Variants in GCSAML observed in about 807,000 individuals in gnomAD.
The protein encoded by GCSAML is germinal center associated signaling and motility like.
Under a neutral mutation model 13.0 loss-of-function variants are expected in GCSAML, and 9 were observed. That is an observed-to-expected ratio of 0.69 (90% CI 0.42 to 1.21). The LOEUF (loss-of-function observed/expected upper bound fraction) is 1.21. Ranked by LOEUF, GCSAML falls within the 50% of genes most tolerant of loss-of-function variation. The pLI, the probability that GCSAML is intolerant of heterozygous loss-of-function variation, is 0.00. For synonymous variants in GCSAML, 37 were observed against 52.9 expected, an observed-to-expected ratio of 0.70 and a Z score of 1.31; for missense variants, 143 against 153.4, an observed-to-expected ratio of 0.93 and a Z score of 0.36.
At chr1:247,550,778 C>T (rs953433200) in intron 1 of GCSAML, among the ~76,000 whole-genome samples, 4 of 151,356 alleles carry the variant, frequency 2.6e-5, no homozygotes, top group African/African-American at 9.7e-5. Context: ...AATTATTTAC[C>T]CTAAAGAAAA....
At position 247,509,347 on chromosome 1, in the gene GCSAML, G is replaced by A. The variant is rs564791782; in HGVS notation, c.-263+2114G>A. 1.2e-4 allele frequency among the ~76,000 whole-genome samples: 18 copies of A among 152,156 alleles called. 1 individual carries two copies. The highest frequency in any genetic ancestry group is 4.2e-4 in the South Asian group (2 of 4,804). Reference sequence around the variant, plus strand: ...TATAGAAATGCTTGTGAGTTTTGCCGATTGATTTTATATCCTGAGACTTTG... The same window carrying A: ...TATAGAAATGCTTGTGAGTTTTGCCAATTGATTTTATATCCTGAGACTTTG... On this transcript the variant is annotated intron_variant, in intron 1 of 5. Coordinates refer to the GCSAML transcript ENST00000366489.
chr1:247,532,512 T>G, intron 2 of GCSAML: 1 of 1,612,076 alleles, frequency 6.2e-7, no homozygotes, highest in Non-Finnish European at 8.5e-7. Flanking sequence ...TTTCCATCAT[T>G]GTATGCTGGG....
upstream of GCSAML, among the ~76,000 whole-genome samples, chr1:247,547,582 G>A (rs942643764): frequency 1.3e-5 from 2 of 152,230 alleles, no homozygotes; most frequent in Non-Finnish European, 2.9e-5. Flanking sequence ...TCAAATTTTA[G>A]TAGGGAACAG....
At chr1:247,550,193 A>G (rs550074141) in intron 1 of GCSAML, among the ~76,000 whole-genome samples, 26 of 152,314 alleles carry the variant, frequency 1.7e-4, no homozygotes, top group Non-Finnish European at 3.1e-4. Flanking sequence ...CCTACAGTCA[A>G]ACAAAGTAGG....
At chr1:247,549,990 A>G (rs1369912255) in intron 1 of GCSAML, among the ~76,000 whole-genome samples, 1 of 152,178 alleles carries the variant, frequency 6.6e-6, no homozygotes, top group African/African-American at 2.4e-5. Context: ...CTCTCATCAT[A>G]TCGCTCCTGT....
intron 2 of GCSAML, among the ~76,000 whole-genome samples, chr1:247,540,842 A>C (rs1667390634): frequency 6.6e-6 from 1 of 152,206 alleles, no homozygotes; most frequent in African/African-American, 2.4e-5. Flanking sequence ...TCCACTACCA[A>C]ATATTTGTCA....
intron 1 of GCSAML, among the ~76,000 whole-genome samples, chr1:247,512,508 T>C (rs1666077246): frequency 6.6e-6 from 1 of 152,160 alleles, no homozygotes; most frequent in South Asian, 2.1e-4. Flanking sequence ...AGCCTACTTC[T>C]GTCAATTTGT....
chr1:247,529,470 G>A (rs1666818306), intron 2 of GCSAML: 1 of 152,224 alleles, frequency 6.6e-6, no homozygotes, highest in Admixed American at 6.5e-5. Flanking sequence ...GTGTAAATAA[G>A]CACTGCTTTC....
At chr1:247,572,348 T>G (rs1195237795) in intron 4 of GCSAML, among the ~76,000 whole-genome samples, 1 of 152,216 alleles carries the variant, frequency 6.6e-6, no homozygotes, top group African/African-American at 2.4e-5. Flanking sequence ...TTATCTACCT[T>G]TGGTCTTTGC....
chr1:247,534,513 G>A (rs1184507355), intron 2 of GCSAML, among the ~76,000 whole-genome samples: 4 of 152,196 alleles, frequency 2.6e-5, no homozygotes, highest in Non-Finnish European at 4.4e-5. Context: ...GGAATAAAAC[G>A]AGCACGATTT....
At chr1:247,532,463 C>T in intron 2 of GCSAML, 1 of 1,613,980 alleles carries the variant, frequency 6.2e-7, no homozygotes, top group Non-Finnish European at 8.5e-7. Context: ...GTGGAGAAGC[C>T]CAGGAGGACA....
At chr1:247,561,438 A>G (rs531145061) in intron 2 of GCSAML, among the ~76,000 whole-genome samples, 1 of 152,310 alleles carries the variant, frequency 6.6e-6, no homozygotes, top group South Asian at 2.1e-4. Context: ...GAAATATACA[A>G]TAAATTATTA....
chr1:247,528,326 A>G (rs1244551121), intron 2 of GCSAML: 1 of 152,154 alleles, frequency 6.6e-6, no homozygotes, highest in East Asian at 1.9e-4. Flanking sequence ...TTGTGTAATG[A>G]TCAAATCAAG....
At chr1:247,560,902 T>C (rs1668106149) in intron 2 of GCSAML, among the ~76,000 whole-genome samples, 1 of 152,192 alleles carries the variant, frequency 6.6e-6, no homozygotes, top group African/African-American at 2.4e-5. Context: ...ATTTATTTTA[T>C]GACTTTTCTC....
chr1:247,531,837 G>T, intron 2 of GCSAML: 1 of 1,614,150 alleles, frequency 6.2e-7, no homozygotes, highest in Non-Finnish European at 8.5e-7. Flanking sequence ...TCTTCAACAC[G>T]GCCCGGGCAA....
At chr1:247,573,400 C>T (rs1307924878) in intron 4 of GCSAML, among the ~76,000 whole-genome samples, 1 of 152,154 alleles carries the variant, frequency 6.6e-6, no homozygotes, top group Non-Finnish European at 1.5e-5. Flanking sequence ...TAGCACTGTC[C>T]CTCAAGGTAT....
At chr1:247,545,832 C>G (rs1276092413), upstream of GCSAML, among the ~76,000 whole-genome samples, 1 of 152,198 alleles carries the variant, frequency 6.6e-6, no homozygotes, top group Non-Finnish European at 1.5e-5. Flanking sequence ...TTTTCTCCCA[C>G]TCCATAGGTT....
At chr1:247,546,825 C>G (rs1572342675), upstream of GCSAML, among the ~76,000 whole-genome samples, 1 of 151,416 alleles carries the variant, frequency 6.6e-6, no homozygotes, top group Non-Finnish European at 1.5e-5. Flanking sequence ...TGTGGTGGCT[C>G]AAGCCTGTAA....
At chr1:247,552,928 G>C (rs1667827674) in intron 1 of GCSAML, among the ~76,000 whole-genome samples, 1 of 152,012 alleles carries the variant, frequency 6.6e-6, no homozygotes, top group African/African-American at 2.4e-5. Context: ...TCTAAGTTTT[G>C]TATTTTTAGT....
Sources: allele counts gnomAD v4.1 joint callset (sites outside exome capture counted in the v4.1 genomes callset), GRCh38; gene constraint gnomAD v4.1.1; transcripts MANE v1.5; gene names NCBI Gene and HGNC (gene_info 2026-07-23, HGNC 2026-07-21).